Variants in NXPE2 observed in about 807,000 individuals in gnomAD.
The protein encoded by NXPE2 is neurexophilin and PC-esterase domain family member 2.
Under a neutral mutation model 34.4 loss-of-function variants are expected in NXPE2, and 34 were observed. The observed-to-expected ratio is 0.99, with a 90% CI of 0.75 to 1.31. The LOEUF is 1.31. NXPE2 is among the 40% of genes most tolerant of loss of function. The pLI is 0.00. For missense variants in NXPE2, 649 were observed against 672.5 expected, an observed-to-expected ratio of 0.97 and a Z score of 0.39; for synonymous variants, 235 against 231.3, an observed-to-expected ratio of 1.02 and a Z score of -0.15.
the NXPE2 span, chr11:114,584,386 G>A: frequency 9.0e-6 from 3 of 331,776 alleles, no homozygotes; most frequent in East Asian, 2.0e-4. Context: ...CCATCCACCT[G>A]CAGTCCAAAT....
chr11:114,534,949 A>T, the NXPE2 span, among the ~76,000 whole-genome samples: 3 of 152,174 alleles, frequency 2.0e-5, no homozygotes, highest in Non-Finnish European at 1.5e-5. Context: ...AGATACTCCT[A>T]GAGAAGAGCA....
chr11:114,620,281 A>T, the NXPE2 span, among the ~76,000 whole-genome samples: 1 of 152,044 alleles, frequency 6.6e-6, no homozygotes, highest in East Asian at 1.9e-4. Flanking sequence ...TACCCGGTGG[A>T]TAATAAGTAA....
At chr11:114,806,866 A>G in the NXPE2 span, among the ~76,000 whole-genome samples, 2 of 152,048 alleles carry the variant, frequency 1.3e-5, no homozygotes, top group African/African-American at 4.8e-5. Flanking sequence ...CCTTGAGAAG[A>G]GCAACTCCAA....
the NXPE2 span, among the ~76,000 whole-genome samples, chr11:114,626,853 C>T: frequency 5.9e-5 from 9 of 151,894 alleles, no homozygotes; most frequent in Non-Finnish European, 1.2e-4. Flanking sequence ...AACCAAGGCT[C>T]GAGAACTACG....
chr11:114,774,175 G>T, the NXPE2 span, among the ~76,000 whole-genome samples: 1 of 152,206 alleles, frequency 6.6e-6, no homozygotes, highest in African/African-American at 2.4e-5. Context: ...ATGTTTCTGA[G>T]TTTCAGTCTG....
the NXPE2 span, chr11:114,551,359 C>G: frequency 1.4e-6 from 2 of 1,414,886 alleles, no homozygotes; most frequent in Admixed American, 5.7e-5. Context: ...ACTAACAACT[C>G]ATACCCCCAA....
the NXPE2 span, among the ~76,000 whole-genome samples, chr11:114,671,624 T>G: frequency 6.6e-6 from 1 of 151,898 alleles, no homozygotes. Flanking sequence ...CAGAAGGCAG[T>G]AGGATGACAT....
At chr11:114,624,379 C>T in the NXPE2 span, among the ~76,000 whole-genome samples, 5 of 151,852 alleles carry the variant, frequency 3.3e-5, no homozygotes, top group African/African-American at 7.3e-5. Flanking sequence ...CACTGTTTCC[C>T]GTTCAATGAT....
At chr11:114,640,301 T>A in the NXPE2 span, among the ~76,000 whole-genome samples, 1 of 145,960 alleles carries the variant, frequency 6.9e-6, no homozygotes. Flanking sequence ...CATTTTAAAT[T>A]TTTATATATT....
chr11:114,785,099 C>A, the NXPE2 span, among the ~76,000 whole-genome samples: 1 of 152,034 alleles, frequency 6.6e-6, no homozygotes, highest in Non-Finnish European at 1.5e-5. Flanking sequence ...TCAGGCCTCT[C>A]CGTAGCTGAC....
In NXPE2 at chr11:114,678,529, T is replaced by G; in HGVS notation, c.-47T>G. 2 of 1,461,516 alleles carry G rather than the reference T, an allele frequency of 1.4e-6. No individual in the cohort carries two copies. Among genetic ancestry groups the G allele is most frequent in the Non-Finnish European group, 1.9e-6 (2 of 1,069,068 alleles). The allele number at this position is 1,461,516 out of a possible 1,614,324, so 90.5% of individuals were successfully genotyped here. On this transcript the variant is annotated 5_prime_UTR_variant, in exon 1 of 6. Coordinates refer to ENST00000389586, the MANE Select transcript of NXPE2 (RefSeq NM_182495.6). ...AAGATAAATGCAAAGACTGCTTTAA[T>G]CAAGGAGAGTCTCTGGACACTATAA... is the stretch of plus-strand genomic sequence containing the variant.
chr11:114,503,308 T>C, the NXPE2 span, among the ~76,000 whole-genome samples: 2 of 152,142 alleles, frequency 1.3e-5, no homozygotes, highest in Non-Finnish European at 2.9e-5. Context: ...AGGTATTTGA[T>C]AAACATTTCC....
chr11:114,807,932 C>T, the NXPE2 span, among the ~76,000 whole-genome samples: 146,160 of 151,670 alleles, frequency 0.96, 70,665 homozygotes, highest in Middle Eastern at 1. Flanking sequence ...AAATTGACCA[C>T]ATAGTTGGAA....
chr11:114,760,770 G>A, the NXPE2 span, among the ~76,000 whole-genome samples: 146,252 of 152,236 alleles, frequency 0.96, 70,530 homozygotes, highest in East Asian at 1. Flanking sequence ...TTTAAGGCCA[G>A]GGACAATCAA....
the NXPE2 span, among the ~76,000 whole-genome samples, chr11:114,591,754 C>G: frequency 6.6e-6 from 1 of 152,028 alleles, no homozygotes; most frequent in South Asian, 2.1e-4. Context: ...CATGGAATTC[C>G]AGGCCCCTGT....
the NXPE2 span, among the ~76,000 whole-genome samples, chr11:114,507,628 G>T: frequency 6.6e-6 from 1 of 151,932 alleles, no homozygotes; most frequent in East Asian, 1.9e-4. Flanking sequence ...TCACATAAAA[G>T]AGATAAAGAC....
chr11:114,664,507 G>A, the NXPE2 span, among the ~76,000 whole-genome samples: 115,536 of 152,138 alleles, frequency 0.76, 44,464 homozygotes, highest in East Asian at 0.84. Context: ...TTGACTTCAC[G>A]AAAACCTGGA....
the NXPE2 span, among the ~76,000 whole-genome samples, chr11:114,639,285 A>G: frequency 2.0e-5 from 3 of 152,072 alleles, no homozygotes; most frequent in Non-Finnish European, 4.4e-5. Context: ...TGCAGGATAT[A>G]ATCTCCTGGT....
At chr11:114,475,792 G>A in the NXPE2 span, among the ~76,000 whole-genome samples, 1 of 151,976 alleles carries the variant, frequency 6.6e-6, no homozygotes, top group Non-Finnish European at 1.5e-5. Flanking sequence ...CATCCTTTTG[G>A]TCAATTCCCA....
Sources: gnomAD v4.1 joint callset for allele counts (sites outside exome capture counted in the v4.1 genomes callset) on GRCh38, gnomAD v4.1.1 for gene constraint, MANE v1.5 for transcripts, NCBI Gene and HGNC (gene_info 2026-07-23, HGNC 2026-07-21) for gene names.